RORA: variants seen among roughly 807,000 people sequenced by gnomAD.
The protein encoded by RORA is nuclear receptor ROR-alpha.
In RORA, 7 loss-of-function variants were observed where a neutral mutation model predicts 69.5. The observed-to-expected ratio is 0.10, with a 90% CI of 0.06 to 0.19. The LOEUF (loss-of-function observed/expected upper bound fraction) is 0.19, where lower values mean the gene tolerates loss of function less well. Among genes scored for constraint, RORA ranks in the 10% least tolerant of loss-of-function variants. RORA has a pLI of 1.00. For missense variants in RORA, 457 were observed against 663.0 expected, an observed-to-expected ratio of 0.69 and a Z score of 3.41; for synonymous variants, 261 against 240.8, an observed-to-expected ratio of 1.08 and a Z score of -0.78.
At chr15:60,846,088 C>T (rs1263959076) in intron 1 of RORA, among the ~76,000 whole-genome samples, 1 of 152,154 alleles carries the variant, frequency 6.6e-6, no homozygotes, top group Non-Finnish European at 1.5e-5. Flanking sequence ...TCCCTTCAGA[C>T]CCTCTTAATC....
At chr15:60,881,329 A>T (rs1246758055) in intron 1 of RORA, among the ~76,000 whole-genome samples, 4 of 152,334 alleles carry the variant, frequency 2.6e-5, no homozygotes, top group Non-Finnish European at 5.9e-5. Flanking sequence ...TCAGGCCAGG[A>T]GGCCCCAGAC....
At chr15:60,695,635 T>A (rs563656841) in intron 1 of RORA, among the ~76,000 whole-genome samples, 1 of 152,258 alleles carries the variant, frequency 6.6e-6, no homozygotes, top group South Asian at 2.1e-4. Context: ...ATCACCCTGA[T>A]GCCAATACGG....
chr15:61,107,455 G>C (rs889406080), intron 1 of RORA, among the ~76,000 whole-genome samples: 8 of 152,070 alleles, frequency 5.3e-5, no homozygotes, highest in African/African-American at 1.4e-4. Flanking sequence ...GGGCAAGTTG[G>C]TAGGAACGTG....
At chr15:60,592,966 G>T (rs1241446506) in intron 2 of RORA, 1 of 455,028 alleles carries the variant, frequency 2.2e-6, no homozygotes, top group Admixed American at 2.4e-5. Flanking sequence ...CAGCTCGTTG[G>T]TGGAAAAGAC....
chr15:61,115,449 G>A (rs1434236864), intron 1 of RORA, among the ~76,000 whole-genome samples: 1 of 152,150 alleles, frequency 6.6e-6, no homozygotes, highest in African/African-American at 2.4e-5. Context: ...CCACAGCCCT[G>A]CTTCTTCTGA....
At chr15:61,056,903 G>T (rs939766159) in intron 1 of RORA, among the ~76,000 whole-genome samples, 5 of 152,284 alleles carry the variant, frequency 3.3e-5, no homozygotes, top group African/African-American at 7.2e-5. Flanking sequence ...TTCAACCTTT[G>T]CATCTGCCTT....
At chr15:60,539,663 A>AT (rs1168335996) in intron 2 of RORA, among the ~76,000 whole-genome samples, 4 of 152,206 alleles carry the variant, frequency 2.6e-5, no homozygotes, top group Non-Finnish European at 5.9e-5. Context: ...AGTGGGTCAG[A>AT]TACTAAATAA....
chr15:60,908,943 G>A (rs1891623421), intron 1 of RORA, among the ~76,000 whole-genome samples: 1 of 151,886 alleles, frequency 6.6e-6, no homozygotes, highest in Admixed American at 6.6e-5. Flanking sequence ...TGAAGAAAAG[G>A]GATATCCCCT....
At chr15:61,053,942 T>A (rs1461159224) in intron 1 of RORA, among the ~76,000 whole-genome samples, 1 of 148,048 alleles carries the variant, frequency 6.8e-6, no homozygotes, top group Non-Finnish European at 1.5e-5. Context: ...TTTTGGTTAT[T>A]TTCTTTGTTT....
chr15:60,545,334 G>A (rs986140887), intron 2 of RORA, among the ~76,000 whole-genome samples: 7 of 152,128 alleles, frequency 4.6e-5, no homozygotes, highest in African/African-American at 1.7e-4. Context: ...TAGCACTTAT[G>A]AGGAATTATT....
chr15:60,966,716 A>C (rs912622920), intron 1 of RORA, among the ~76,000 whole-genome samples: 4 of 152,232 alleles, frequency 2.6e-5, no homozygotes. Flanking sequence ...TAAACCTGGT[A>C]TGTTGTAAAT....
At chr15:60,732,251 G>A (rs964337388) in intron 1 of RORA, among the ~76,000 whole-genome samples, 1 of 152,144 alleles carries the variant, frequency 6.6e-6, no homozygotes, top group Non-Finnish European at 1.5e-5. Flanking sequence ...AACCATCAAG[G>A]AAAACAGAGA....
At chr15:60,928,292 TC>T (rs1363290152) in intron 1 of RORA, among the ~76,000 whole-genome samples, 1 of 152,232 alleles carries the variant, frequency 6.6e-6, no homozygotes, top group African/African-American at 2.4e-5. Context: ...TACTTCATGT[TC>T]CTTTATTGTC....
At chr15:60,584,029 T>C (rs1322867683) in intron 2 of RORA, among the ~76,000 whole-genome samples, 1 of 152,176 alleles carries the variant, frequency 6.6e-6, no homozygotes, top group African/African-American at 2.4e-5. Flanking sequence ...GCTTCCCAGA[T>C]GACTGTGAAG....
intron 1 of RORA, among the ~76,000 whole-genome samples, chr15:60,690,175 C>T (rs2140772021): frequency 6.6e-6 from 1 of 152,312 alleles, no homozygotes; most frequent in South Asian, 2.1e-4. Flanking sequence ...CCACCAAATC[C>T]ATTCTCCCAT....
chr15:60,957,606 T>TATA (rs1566924852), intron 1 of RORA, among the ~76,000 whole-genome samples: 1 of 152,226 alleles, frequency 6.6e-6, no homozygotes, highest in Non-Finnish European at 1.5e-5. Flanking sequence ...CTGAGGGGGC[T>TATA]ATAGTTCAGT....
intron 2 of RORA, among the ~76,000 whole-genome samples, chr15:60,634,895 T>A (rs2069808030): frequency 6.6e-6 from 1 of 152,214 alleles, no homozygotes; most frequent in South Asian, 2.1e-4. Flanking sequence ...TCCAGAATGA[T>A]GTCTCACAGA....
intron 1 of RORA, among the ~76,000 whole-genome samples, chr15:61,052,288 C>T (rs765060717): frequency 2.0e-4 from 30 of 152,298 alleles, no homozygotes; most frequent in Admixed American, 4.6e-4. Context: ...AATTATACTA[C>T]ATATTTTTGT....
intron 1 of RORA, among the ~76,000 whole-genome samples, chr15:60,804,212 C>T (rs1277919208): frequency 2.0e-5 from 3 of 148,274 alleles, no homozygotes; most frequent in East Asian, 4.0e-4. Flanking sequence ...TGCTTGAACC[C>T]GGGAGGCGGA....
Sources: gnomAD v4.1 joint callset for allele counts (sites outside exome capture counted in the v4.1 genomes callset) on GRCh38, gnomAD v4.1.1 for gene constraint, MANE v1.5 for transcripts, NCBI Gene and HGNC (gene_info 2026-07-23, HGNC 2026-07-21) for gene names.